The following ASTN2 variants were observed in gnomAD, a reference collection of about 807,000 sequenced individuals.
ASTN2 encodes the protein astrotactin 2.
Under a neutral mutation model 139.8 loss-of-function variants are expected in ASTN2, and 54 were observed. The observed-to-expected ratio is 0.39, with a 90% CI of 0.31 to 0.48. ASTN2 has a LOEUF of 0.48. Ranked by LOEUF, ASTN2 falls within the 20% of genes least tolerant of loss-of-function variation. ASTN2 has a pLI of 0.95. For missense variants in ASTN2, 1,565 were observed against 1,725.1 expected (o/e 0.91, Z 1.64); for synonymous variants, 756 against 719.5 (o/e 1.05, Z -0.81).
At chr9:117,083,270 A>G (rs1828475247) in intron 5 of ASTN2, among the ~76,000 whole-genome samples, 1 of 152,206 alleles carries the variant, frequency 6.6e-6, no homozygotes, top group African/African-American at 2.4e-5. Context: ...ATCTGGCTAA[A>G]TTTATCCTTC....
chr9:117,018,451 C>T lies in ASTN2; in HGVS notation c.1424-10192G>A, dbSNP rs1309843710. Among the ~76,000 whole-genome samples, 12 of 152,142 alleles carry T rather than the reference C, an allele frequency of 7.9e-5. No homozygotes were observed. The East Asian group carries it at 1.9e-3, about 25-fold the overall frequency. On this transcript the variant is annotated intron_variant, in intron 6 of 22. Transcript: ENST00000313400. ...CTTCCCCAAATCTCTTTCATTACTA[C>T]ACTGTGGGTTCGATGCCAACTGACC...
At chr9:117,093,814 A>G (rs1392815042) in intron 5 of ASTN2, among the ~76,000 whole-genome samples, 2 of 152,138 alleles carry the variant, frequency 1.3e-5, no homozygotes, top group African/African-American at 4.8e-5. Context: ...AACATCAAAC[A>G]CAGTATTAAG....
At chr9:116,620,495 T>G (rs778587079) in intron 17 of ASTN2, 52 bp from the exon 18 acceptor site, 48 of 1,608,400 alleles carry the variant, frequency 3.0e-5, no homozygotes, top group Non-Finnish European at 4.0e-5. Flanking sequence ...GGGGAGAGAT[T>G]GAGAGTAAAT....
At chr9:117,398,184 C>A (rs1404085133) in intron 1 of ASTN2, among the ~76,000 whole-genome samples, 1 of 152,064 alleles carries the variant, frequency 6.6e-6, no homozygotes, top group Non-Finnish European at 1.5e-5. Context: ...GTTTCAGGGG[C>A]CTGAACATTC....
rs139620997 is a variant in ASTN2 at position 116,500,984 on chromosome 9, CTA to C, written c.3356-13486_3356-13485del. Among the ~76,000 whole-genome samples, 783 of 152,308 alleles carry C rather than the reference CTA, an allele frequency of 5.1e-3. 11 individuals carry two copies. The highest frequency in any genetic ancestry group is 0.018 in the Admixed American group (275 of 15,298). On this transcript the variant is annotated intron_variant, in intron 19 of 22. Coordinates refer to ENST00000313400, the MANE Select transcript of ASTN2 (RefSeq NM_001365068.1). ...TCCTCCCAAACCAGAACTGCACAAA[CTA>C]TGTGTCCCAAGATTAAAAACAGCTG...
chr9:116,799,481 C>T (rs965018711), intron 13 of ASTN2, among the ~76,000 whole-genome samples: 2 of 152,118 alleles, frequency 1.3e-5, no homozygotes, highest in Admixed American at 6.6e-5. Context: ...TTGGCAAATG[C>T]CTACTGCCAG....
intron 2 of ASTN2, among the ~76,000 whole-genome samples, chr9:117,221,771 C>T (rs1050584966): frequency 5.3e-5 from 8 of 151,810 alleles, no homozygotes; most frequent in Admixed American, 2.0e-4. Context: ...TGATCCGAGA[C>T]GTCTCCTTTC....
intron 11 of ASTN2, among the ~76,000 whole-genome samples, 177 bp from the exon 12 acceptor site, chr9:116,820,960 C>T (rs1588321080): frequency 6.6e-6 from 1 of 152,176 alleles, no homozygotes. Context: ...TTCTCTGAAC[C>T]TCAGTGTGCC....
intron 19 of ASTN2, among the ~76,000 whole-genome samples, chr9:116,549,835 A>C (rs1007381704): frequency 6.6e-6 from 1 of 151,966 alleles, no homozygotes; most frequent in Non-Finnish European, 1.5e-5. Context: ...GCCCTGTAAT[A>C]TCTCTCTACT....
chr9:117,251,182 T>C (rs1052169591), intron 2 of ASTN2, among the ~76,000 whole-genome samples: 33 of 152,168 alleles, frequency 2.2e-4, no homozygotes, highest in African/African-American at 7.5e-4. Context: ...GCAACAGAGA[T>C]GGAAGGTCAA....
At chr9:116,472,457 T>C (rs981363605) in intron 20 of ASTN2, among the ~76,000 whole-genome samples, 1 of 152,202 alleles carries the variant, frequency 6.6e-6, no homozygotes, top group East Asian at 1.9e-4. Flanking sequence ...CTACCCCCAA[T>C]ATGATTAGCT....
chr9:116,989,313 G>A (rs1181227589), intron 7 of ASTN2, among the ~76,000 whole-genome samples: 2 of 152,172 alleles, frequency 1.3e-5, no homozygotes, highest in African/African-American at 4.8e-5. Context: ...GGGTCAGAGA[G>A]GAGAGGGACC....
At chr9:116,986,169 C>CT (rs1227858368) in intron 7 of ASTN2, among the ~76,000 whole-genome samples, 1 of 139,346 alleles carries the variant, frequency 7.2e-6, no homozygotes, top group African/African-American at 2.9e-5. Context: ...TGCCCCCCCC[C>CT]ACCCCCCTGC....
At chr9:116,551,837 A>T (rs4836748) in intron 19 of ASTN2, among the ~76,000 whole-genome samples, 24,123 of 152,130 alleles carry the variant, frequency 0.16, 2,067 homozygotes, top group African/African-American at 0.21. Context: ...CAAGCTGGAG[A>T]GTGCGGGAGC....
At chr9:117,024,976 T>C (rs530166050) in intron 6 of ASTN2, among the ~76,000 whole-genome samples, 2 of 152,228 alleles carry the variant, frequency 1.3e-5, no homozygotes, top group East Asian at 3.9e-4. Context: ...CCTGCCACCA[T>C]GTAAGATGTG....
chr9:117,036,359 T>A (rs529940431), intron 6 of ASTN2, among the ~76,000 whole-genome samples: 1 of 152,308 alleles, frequency 6.6e-6, no homozygotes, highest in East Asian at 1.9e-4. Context: ...TCCGTAGTTA[T>A]TTCTCTTTTT....
chr9:116,915,240 A>G (rs907124184), intron 10 of ASTN2, among the ~76,000 whole-genome samples: 3 of 152,218 alleles, frequency 2.0e-5, no homozygotes, highest in African/African-American at 4.8e-5. Flanking sequence ...AAGACCAAAA[A>G]GTTCTCATGG....
intron 19 of ASTN2, among the ~76,000 whole-genome samples, chr9:116,490,752 G>A (rs567766170): frequency 6.6e-6 from 1 of 152,178 alleles, no homozygotes; most frequent in African/African-American, 2.4e-5. Context: ...AGAACAGCAT[G>A]GGGTAACCAC....
At chr9:116,617,727 G>C (rs1334311459) in intron 19 of ASTN2, among the ~76,000 whole-genome samples, 1 of 152,234 alleles carries the variant, frequency 6.6e-6, no homozygotes, top group Non-Finnish European at 1.5e-5. Context: ...AGTCTCAACA[G>C]AGAACAGAAA....
Sources: gnomAD v4.1 joint callset for allele counts (sites outside exome capture counted in the v4.1 genomes callset) on GRCh38, gnomAD v4.1.1 for gene constraint, MANE v1.5 for transcripts, NCBI Gene and HGNC (gene_info 2026-07-23, HGNC 2026-07-21) for gene names.